PARP6: variants seen among roughly 807,000 people sequenced by gnomAD.
The protein encoded by PARP6 is protein mono-ADP-ribosyltransferase PARP6.
PARP6 carries 27 observed loss-of-function variants against 92.0 expected under a neutral mutation model. That is an observed-to-expected ratio of 0.29 (90% CI 0.22 to 0.40). PARP6 has a LOEUF of 0.40. Ranked by LOEUF, PARP6 falls within the 10% of genes least tolerant of loss-of-function variation. The pLI is 1.00. For missense variants in PARP6, 501 were observed against 784.5 expected, an observed-to-expected ratio of 0.64 and a Z score of 4.32; for synonymous variants, 272 against 281.2, an observed-to-expected ratio of 0.97 and a Z score of 0.33.
intron 9 of PARP6, 114 bp from the exon 10 acceptor site, chr15:72,260,802 CT>C: frequency 1.3e-6 from 1 of 759,130 alleles, no homozygotes; most frequent in Non-Finnish European, 2.3e-6. Flanking sequence ...GAAAGACAAA[CT>C]CATATCTGAG....
At chr15:72,266,852 T>C in intron 3 of PARP6, 30 bp from the exon 4 acceptor site, 1 of 1,529,636 alleles carries the variant, frequency 6.5e-7, no homozygotes, top group Non-Finnish European at 9.1e-7. Context: ...ATATCATGCT[T>C]TGTTAGGTCC....
At chr15:72,269,899 C>CAAAAA (rs59023007) in intron 2 of PARP6, among the ~76,000 whole-genome samples, 2 of 100,206 alleles carry the variant, frequency 2.0e-5, no homozygotes, top group African/African-American at 3.6e-5. Context: ...AACTCTGTCT[C>CAAAAA]AAAAAAAAAA....
At chr15:72,260,437 C>T in intron 10 of PARP6, 41 bp downstream of exon 10, 2 of 1,523,134 alleles carry the variant, frequency 1.3e-6, no homozygotes, top group Non-Finnish European at 1.8e-6. Flanking sequence ...TCCACTCCCA[C>T]CCTCCTGATA....
chr15:72,246,477 T>C (rs1214648586), intron 20 of PARP6, among the ~76,000 whole-genome samples: 5 of 152,170 alleles, frequency 3.3e-5, no homozygotes, highest in African/African-American at 1.2e-4. Context: ...AGACAATGAA[T>C]ACCCAGAGAC....
At position 72,264,543 on chromosome 15, in the gene PARP6, C is replaced by T; in HGVS notation, c.395+12G>A. ...TCACATGTCCATGACCAGAAAAGACCAAAGTTCTTACTTTTTCAACTGAAG... is the reference window on the plus strand; with the variant it reads ...TCACATGTCCATGACCAGAAAAGACTAAAGTTCTTACTTTTTCAACTGAAG... On this transcript the variant is annotated intron_variant, in intron 8 of 23. Coordinates refer to ENST00000569795, the MANE Select transcript of PARP6 (RefSeq NM_001323532.2). The T allele has an allele frequency of 1.9e-6, 3 of 1,608,952 alleles. No homozygotes were observed. Among genetic ancestry groups the T allele is most frequent in the Non-Finnish European group, 2.6e-6 (3 of 1,175,812 alleles).
intron 20 of PARP6, chr15:72,244,434 T>C (rs2083382232): frequency 1.3e-5 from 2 of 152,218 alleles, no homozygotes; most frequent in Admixed American, 1.3e-4. Context: ...AGTATGCACT[T>C]ATCAGAAGTC....
At chr15:72,255,811 T>C (rs1184431413) in intron 14 of PARP6, among the ~76,000 whole-genome samples, 1 of 132,170 alleles carries the variant, frequency 7.6e-6, no homozygotes, top group Non-Finnish European at 1.6e-5. Context: ...TTTTTTTTTT[T>C]TTTGAGACAG....
At chr15:72,252,490 A>ATT (rs199556217) in intron 16 of PARP6, among the ~76,000 whole-genome samples, 77 of 147,886 alleles carry the variant, frequency 5.2e-4, no homozygotes, top group Non-Finnish European at 9.3e-4. Context: ...AATACATGTA[A>ATT]TTTTTTTTTT....
chr15:72,256,423 A>T, intron 14 of PARP6, 42 bp downstream of exon 14: 1 of 1,456,070 alleles, frequency 6.9e-7, no homozygotes, highest in South Asian at 1.5e-5. Context: ...ACTATCTTTT[A>T]TCATTTCTGT....
At chr15:72,257,893 T>C in intron 12 of PARP6, 144 bp downstream of exon 12, 1 of 653,712 alleles carries the variant, frequency 1.5e-6, no homozygotes. Flanking sequence ...GAGACTTGTT[T>C]TCTGAGAAAA....
At chr15:72,269,310 G>A (rs1374313208) in intron 2 of PARP6, among the ~76,000 whole-genome samples, 3 of 152,042 alleles carry the variant, frequency 2.0e-5, no homozygotes, top group Non-Finnish European at 2.9e-5. Context: ...ATAGGCGCCC[G>A]CCACCATGCC....
At position 72,263,357 on chromosome 15, in the gene PARP6, A is replaced by C. The variant is rs867025249; in HGVS notation, c.395+1198T>G. On this transcript the variant is annotated intron_variant, in intron 8 of 23. Coordinates refer to ENST00000569795, the MANE Select transcript of PARP6 (RefSeq NM_001323532.2). ...TAATCACACTTTAGCTCTGGCCTTT[A>C]GCATCTCTTGTCTTGACTTTTACAA... is the stretch of plus-strand genomic sequence containing the variant. Among the ~76,000 whole-genome samples the C allele has an allele frequency of 2.6e-4, 40 of 152,234 alleles. 1 individual carries two copies. In the South Asian group the frequency reaches 2.7e-3, roughly 10 times the overall value.
chr15:72,250,980 C>G, intron 17 of PARP6, 26 bp from the exon 18 acceptor site: 1 of 1,530,048 alleles, frequency 6.5e-7, no homozygotes, highest in Non-Finnish European at 9.0e-7. Context: ...GGGGTGGAAT[C>G]AGGAAAACAG....
rs373749502 is a variant in PARP6, at chr15:72,242,626, G to A, written c.1635C>T (p.Ile545=). The A allele has an allele frequency of 2.5e-6, 4 of 1,597,466 alleles. No homozygotes were observed. In the African/African-American group the frequency reaches 5.4e-5, roughly 21 times the overall value. ...LVQRYNRMNT[I]PQTRSIQSRF... ...ATTAGAATAGTTCCAATACCTGGGG[G>A]ATGGTATTCATCCTGTTGTATCTCT... The change falls in exon 21 of 24, where the codon ATC becomes ATT. Residue 545 remains isoleucine, a synonymous_variant. Transcript: ENST00000569795. The surrounding 1 kb of genome is among the most constrained non-coding windows in gnomAD (Gnocchi z 4.3).
At chr15:72,267,203 G>C in intron 3 of PARP6, 2 of 563,894 alleles carry the variant, frequency 3.5e-6, no homozygotes, top group South Asian at 4.3e-5. Flanking sequence ...CATTACCTAA[G>C]ACAGTTCCCA....
intron 14 of PARP6, among the ~76,000 whole-genome samples, chr15:72,255,700 C>T (rs1001464895): frequency 6.6e-6 from 1 of 150,714 alleles, no homozygotes; most frequent in Non-Finnish European, 1.5e-5. Flanking sequence ...AAACCTCTTT[C>T]TCCTTCTCTC....
chr15:72,263,833 C>T (rs550704889), intron 8 of PARP6, among the ~76,000 whole-genome samples: 83 of 151,948 alleles, frequency 5.5e-4, no homozygotes, highest in Non-Finnish European at 7.2e-4. Flanking sequence ...ACCAACCTGG[C>T]CAACATGGAG....
chr15:72,255,550 G>A (rs1156910322), intron 14 of PARP6, among the ~76,000 whole-genome samples: 2 of 151,908 alleles, frequency 1.3e-5, no homozygotes, highest in African/African-American at 4.8e-5. Context: ...AAGCCACTGC[G>A]CCCAGCCCAC....
In PARP6 at chr15:72,242,267, C is replaced by T. The variant is rs749117710; in HGVS notation, c.1642-47G>A. 1 of 1,471,442 alleles carries T rather than the reference C, an allele frequency of 6.8e-7. No individual in the cohort carries two copies. Among genetic ancestry groups the T allele is most frequent in the Non-Finnish European group, 9.5e-7 (1 of 1,050,548 alleles). 91.1% of individuals were successfully genotyped at this position (1,471,442 alleles called of 1,614,324 possible). A position where few individuals can be genotyped will look rare whatever the true frequency, so the allele number is the denominator to read the frequency against. ...GAGACCAGAGCCAGGTAGATGGGTA[C>T]AGCTTTCCCTAGAGAGGCTGGTTAG... On this transcript the variant is annotated intron_variant, in intron 21 of 23. Transcript: ENST00000569795. The surrounding 1 kb of genome is among the most constrained non-coding windows in gnomAD (Gnocchi z 4.3).
Sources: gnomAD v4.1 joint callset for allele counts (sites outside exome capture counted in the v4.1 genomes callset) on GRCh38, gnomAD v4.1.1 for gene constraint, Gnocchi (gnomAD v3.1) non-coding constraint, MANE v1.5 for transcripts, NCBI Gene and HGNC (gene_info 2026-07-23, HGNC 2026-07-21) for gene names.